Variants in LCN1 observed in about 807,000 individuals in gnomAD.
LCN1 encodes lipocalin-1.
LCN1 carries 25 observed loss-of-function variants against 22.3 expected under a neutral mutation model. The ratio of observed to expected loss-of-function variants is 1.12; its 90% CI spans 0.82 to 1.56. The LOEUF is 1.56. Ranked by LOEUF, LCN1 falls within the 40% of genes most tolerant of loss-of-function variation. The pLI is 0.00. For synonymous variants in LCN1, 85 were observed against 97.6 expected (o/e 0.87, Z 0.76); for missense variants, 219 against 235.6 (o/e 0.93, Z 0.46).
rs377067577 is a variant in LCN1 at position 135,523,881 on chromosome 9, C to G, written c.294C>G (p.Asp98Glu). ...GAATGTGCTGCTGTCTTTCTGCAGA[C>G]GGGGGCAAGCACGTGGCATACATCA... is the stretch of plus-strand genomic sequence containing the variant. Reference protein sequence around the residue: ...KTDEPGKYTADGGKHVAYIIR... With the variant: ...KTDEPGKYTAEGGKHVAYIIR... The change falls in exon 4 of 7, where the codon GAC becomes GAG. Residue 98 changes from aspartate (D) to glutamate (E), a missense_variant and splice_region_variant. Physicochemically the swap from Asp to Glu is conservative, Grantham distance 45. Transcript: ENST00000371781. The G allele has an allele frequency of 6.2e-7, 1 of 1,613,524 alleles. No individual in the cohort carries two copies. The highest frequency in any genetic ancestry group is 1.7e-5 in the Admixed American group (1 of 60,004).
At chr9:135,523,169 T>C (rs1283297256) in intron 2 of LCN1, 63 bp from the exon 3 acceptor site, 6 of 1,480,862 alleles carry the variant, frequency 4.1e-6, no homozygotes, top group Admixed American at 3.8e-5. Context: ...TGCAGCATGG[T>C]TGCTCCAGGG....
intron 4 of LCN1, among the ~76,000 whole-genome samples, chr9:135,524,247 A>G (rs537244711): frequency 4.9e-4 from 75 of 152,290 alleles, no homozygotes; most frequent in African/African-American, 1.5e-3. Flanking sequence ...AAGGTCACAC[A>G]TGTCCCAGAG....
chr9:135,525,632 CTGCCCAGGTG>C (rs973204300), intron 6 of LCN1, among the ~76,000 whole-genome samples: 2 of 152,124 alleles, frequency 1.3e-5, no homozygotes, highest in Non-Finnish European at 2.9e-5. Context: ...CCAAGGTCAC[CTGCCCAGGTG>C]TGGGCAGAGC....
At chr9:135,521,907 T>G (rs1588380366) in intron 1 of LCN1, 140 bp from the exon 2 acceptor site, 9 of 1,344,642 alleles carry the variant, frequency 6.7e-6, no homozygotes, top group Non-Finnish European at 9.1e-6. Flanking sequence ...GGGTGCTGGG[T>G]GTTTTCTGGG....
chr9:135,524,965 C>A (rs761108746), intron 5 of LCN1, 34 bp downstream of exon 5: 1 of 1,582,528 alleles, frequency 6.3e-7, no homozygotes, highest in South Asian at 1.1e-5. Flanking sequence ...CCCCCCATGT[C>A]CCCGCGTGGG....
At position 135,521,560 on chromosome 9, in the gene LCN1, C is replaced by G. The variant is rs555089513; in HGVS notation, c.63C>G (p.Leu21=). ...TTGCTGCCCTGCAGGCCCACCACCT[C>G]CTGGCCTCAGACGAGGAGATTCAGG... The part of the protein sequence containing the change: ...GLIAALQAHH[L]LASDEEIQDV... Residue 21 remains leucine (L), a synonymous_variant, in exon 1 of 7, where the codon CTC becomes CTG. Transcript: ENST00000371781. 2.7e-5 allele frequency: 43 copies of G among 1,613,512 alleles called. No homozygotes were observed. The South Asian group carries it at 4.6e-4, about 17-fold the overall frequency.
At position 135,526,528 on chromosome 9, in the gene LCN1, C is replaced by A; in HGVS notation, c.*186C>A. 1 of 1,228,102 alleles carries A rather than the reference C, an allele frequency of 8.1e-7. No homozygotes were observed. The highest frequency in any genetic ancestry group is 1.0e-6 in the Non-Finnish European group (1 of 952,442). 76.1% of individuals were successfully genotyped at this position (1,228,102 alleles called of 1,614,324 possible). A position where few individuals can be genotyped will look rare whatever the true frequency, so the allele number is the denominator to read the frequency against. On this transcript the variant is annotated 3_prime_UTR_variant, in exon 7 of 7. Coordinates refer to ENST00000371781, the MANE Select transcript of LCN1 (RefSeq NM_002297.4). ...CCTGGTTCTCCATAAAGAGCTTCAG[C>A]AGTTCCCAGTGACTCCGCCTGTCTG...
chr9:135,523,275 A>G lies in LCN1; in HGVS notation c.265A>G (p.Thr89Ala). 6.2e-7 allele frequency: 1 copy of G among 1,612,756 alleles called. No individual in the cohort carries two copies. Among genetic ancestry groups the G allele is most frequent in the Non-Finnish European group, 8.5e-7 (1 of 1,179,752 alleles). ...CQEVKAVLEK[T>A]DEPGKYTADG... is the part of the protein sequence containing the mutation. ...GGAGGTGAAGGCCGTCCTGGAGAAA[A>G]CTGACGAGCCGGGAAAATACACGGC... Residue 89 changes from threonine (T) to alanine (A), a missense_variant, in exon 3 of 7, where the codon ACT (threonine) becomes GCT (alanine). Physicochemically the swap from Thr to Ala is moderately conservative, Grantham distance 58 (BLOSUM62 0). Transcript: ENST00000371781.
chr9:135,524,491 A>G (rs1831580423), intron 4 of LCN1, among the ~76,000 whole-genome samples: 1 of 152,164 alleles, frequency 6.6e-6, no homozygotes, highest in African/African-American at 2.4e-5. Context: ...CCCTGGAGCC[A>G]GGGGTGTGCG....
chr9:135,525,314 G>A (rs1272209621), intron 6 of LCN1, among the ~76,000 whole-genome samples, 156 bp downstream of exon 6: 1 of 152,120 alleles, frequency 6.6e-6, no homozygotes, highest in Non-Finnish European at 1.5e-5. Flanking sequence ...CTCCTGAGCT[G>A]CCCACGCTCG....
In LCN1 at chr9:135,525,490, C is replaced by T. The variant is rs534304125; in HGVS notation, c.*1+332C>T. On this transcript the variant is annotated intron_variant, in intron 6 of 6. Coordinates refer to ENST00000371781, the MANE Select transcript of LCN1 (RefSeq NM_002297.4). ...GTTCCTCCTCAGCACCCCTCACCCTCGGCCATGCCTGTGACTCCACTTACC... is the reference window on the plus strand; with the variant it reads ...GTTCCTCCTCAGCACCCCTCACCCTTGGCCATGCCTGTGACTCCACTTACC... Among the ~76,000 whole-genome samples the T allele has an allele frequency of 7.2e-5, 11 of 152,280 alleles. No individual in the cohort carries two copies. The East Asian group carries it at 1.5e-3, about 21-fold the overall frequency.
rs117161567 is a variant in LCN1, at chr9:135,523,884, G to A, written c.297G>A (p.Gly99=). Residue 99 remains glycine (G), a synonymous_variant, in exon 4 of 7, where the codon GGG becomes GGA. Coordinates refer to ENST00000371781, the MANE Select transcript of LCN1 (RefSeq NM_002297.4). ...TGTGCTGCTGTCTTTCTGCAGACGG[G>A]GGCAAGCACGTGGCATACATCATCA... ...TDEPGKYTAD[G]GKHVAYIIRS... 7.1e-3 allele frequency: 11,457 copies of A among 1,613,572 alleles called. 55 individuals are homozygous for A. The highest frequency in any genetic ancestry group is 8.5e-3 in the Non-Finnish European group (10,043 of 1,179,506).
At chr9:135,524,952 G>A in intron 5 of LCN1, 21 bp downstream of exon 5, 2 of 1,599,302 alleles carry the variant, frequency 1.3e-6, no homozygotes, top group Non-Finnish European at 8.5e-7. Context: ...TGGCCCTGCA[G>A]AGCCCCCCAT....
At position 135,526,329 on chromosome 9, in the gene LCN1, TC is replaced by T; in HGVS notation, c.*2-8del. 38 of 932,184 alleles carry T rather than the reference TC, an allele frequency of 4.1e-5. No individual in the cohort carries two copies. Among genetic ancestry groups the T allele is most frequent in the South Asian group, 1.3e-4 (5 of 38,882 alleles). 57.7% of individuals were successfully genotyped at this position (932,184 alleles called of 1,614,324 possible). ...CTTGCTGTCCTGGCCTCACTCACCCTCCCCCCCTTTCCAGGGCAGGGGACAC... is the reference window on the plus strand; with the variant it reads ...CTTGCTGTCCTGGCCTCACTCACCCTCCCCCCTTTCCAGGGCAGGGGACAC... On this transcript the variant is annotated splice_polypyrimidine_tract_variant and intron_variant, in intron 6 of 6. Coordinates refer to ENST00000371781, the MANE Select transcript of LCN1 (RefSeq NM_002297.4).
chr9:135,525,138 G>A lies in LCN1; in HGVS notation c.512G>A (p.Cys171Tyr). 1 of 1,613,666 alleles carries A rather than the reference G, an allele frequency of 6.2e-7. No homozygotes were observed. The highest frequency in any genetic ancestry group is 1.1e-5 in the South Asian group (1 of 91,008). ...GTGCTTCCTTTTCCTGCAGAAACCT[G>A]CTCTCCAGGGAGCGATTAGGGTGAG... ...SILIPRQSET[C>Y]SPGSD Residue 171 changes from cysteine to tyrosine, a missense_variant, in exon 6 of 7, where the codon TGC becomes TAC. Physicochemically the swap from Cys to Tyr is radical, Grantham distance 194. Coordinates refer to ENST00000371781, the MANE Select transcript of LCN1 (RefSeq NM_002297.4).
At chr9:135,525,412 G>A (rs1427750582) in intron 6 of LCN1, among the ~76,000 whole-genome samples, 3 of 152,166 alleles carry the variant, frequency 2.0e-5, no homozygotes, top group African/African-American at 7.2e-5. Flanking sequence ...GGCTGCTGGT[G>A]GAGACGGTGT....
intron 6 of LCN1, among the ~76,000 whole-genome samples, chr9:135,526,133 G>A (rs1483358152): frequency 2.8e-5 from 1 of 35,412 alleles, no homozygotes; most frequent in Non-Finnish European, 5.0e-5. Flanking sequence ...CTGAGAGCCT[G>A]CTGTGCCCCC....
At chr9:135,522,898 C>A (rs953936970) in intron 2 of LCN1, among the ~76,000 whole-genome samples, 2 of 149,774 alleles carry the variant, frequency 1.3e-5, no homozygotes, top group African/African-American at 4.9e-5. Flanking sequence ...ATGCAGCTGG[C>A]GGGATGAGGC....
intron 1 of LCN1, 112 bp from the exon 2 acceptor site, chr9:135,521,935 C>T (rs116795992): frequency 0.014 from 20,173 of 1,479,890 alleles, 166 homozygotes; most frequent in African/African-American, 0.033. Flanking sequence ...GATTGGGGAA[C>T]GTTCCCCGTT....
Sources: gnomAD v4.1 joint callset for allele counts (sites outside exome capture counted in the v4.1 genomes callset) on GRCh38, gnomAD v4.1.1 for gene constraint, MANE v1.5 for transcripts, NCBI Gene and HGNC (gene_info 2026-07-23, HGNC 2026-07-21) for gene names.